Variants in XRCC4 observed in about 807,000 individuals in gnomAD.
XRCC4 encodes DNA repair protein XRCC4.
In XRCC4, 28 loss-of-function variants were observed where a neutral mutation model predicts 39.1. That is an observed-to-expected ratio of 0.72 (90% CI 0.53 to 0.98). The LOEUF (loss-of-function observed/expected upper bound fraction) is 0.98, where lower values mean the gene tolerates loss of function less well. XRCC4 is among the 50% of genes least tolerant of loss of function. XRCC4 has a pLI of 0.00. For missense variants in XRCC4, 350 were observed against 376.4 expected, an observed-to-expected ratio of 0.93 and a Z score of 0.58; for synonymous variants, 123 against 126.4, an observed-to-expected ratio of 0.97 and a Z score of 0.18.
intron 7 of XRCC4, among the ~76,000 whole-genome samples, chr5:83,262,785 CTTAGAGTGAGTTTTTTATTTAA>C (rs1753803715): frequency 1.3e-5 from 2 of 150,222 alleles, no homozygotes; most frequent in South Asian, 4.2e-4. Context: ...ACACACACAC[CTTAGAGTGAGTTTTTTATTTAA>C]TTAGCTAGGA....
At chr5:83,345,727 TA>T (rs1756900088) in intron 7 of XRCC4, among the ~76,000 whole-genome samples, 1 of 152,208 alleles carries the variant, frequency 6.6e-6, no homozygotes, top group Admixed American at 6.5e-5. Flanking sequence ...GATACCATTT[TA>T]AACTTGGCTG....
At chr5:83,194,343 A>G (rs967623413) in intron 3 of XRCC4, among the ~76,000 whole-genome samples, 1 of 152,196 alleles carries the variant, frequency 6.6e-6, no homozygotes, top group African/African-American at 2.4e-5. Context: ...TATTCTTTAT[A>G]TAGGTAAAAC....
intron 6 of XRCC4, among the ~76,000 whole-genome samples, chr5:83,215,607 TATATC>T (rs1221823226): frequency 1.3e-5 from 2 of 152,174 alleles, no homozygotes; most frequent in Non-Finnish European, 2.9e-5. Flanking sequence ...AGATAGTCAT[TATATC>T]AGACATAGTC....
chr5:83,346,232 T>C (rs2112217757), intron 7 of XRCC4, among the ~76,000 whole-genome samples: 1 of 152,320 alleles, frequency 6.6e-6, no homozygotes, highest in Middle Eastern at 3.4e-3. Context: ...AAGTAGTCTA[T>C]GCTGAACTAT....
chr5:83,159,382 A>G (rs1286296254), intron 3 of XRCC4, among the ~76,000 whole-genome samples: 1 of 152,184 alleles, frequency 6.6e-6, no homozygotes, highest in African/African-American at 2.4e-5. Flanking sequence ...CCAGAGTGCT[A>G]GTGCATGCGA....
At chr5:83,299,673 ATC>A (rs1187476666) in intron 7 of XRCC4, among the ~76,000 whole-genome samples, 1 of 152,120 alleles carries the variant, frequency 6.6e-6, no homozygotes. Context: ...TGAGCAACTA[ATC>A]TCTATTAAAC....
intron 7 of XRCC4, among the ~76,000 whole-genome samples, chr5:83,268,538 T>C (rs1754032865): frequency 6.6e-6 from 1 of 152,164 alleles, no homozygotes; most frequent in Admixed American, 6.6e-5. Context: ...CAAATTGTGC[T>C]CTAAGAAGGG....
intron 3 of XRCC4, among the ~76,000 whole-genome samples, chr5:83,185,251 G>A (rs6872192): frequency 1.9e-3 from 293 of 151,780 alleles, no homozygotes; most frequent in African/African-American, 6.6e-3. Context: ...GAAAAAACAT[G>A]ATGGTCCTAA....
At chr5:83,079,256 A>G (rs1744823878) in intron 1 of XRCC4, among the ~76,000 whole-genome samples, 1 of 152,262 alleles carries the variant, frequency 6.6e-6, no homozygotes, top group Non-Finnish European at 1.5e-5. Context: ...AGAGAAACAC[A>G]TATGCCAATA....
intron 6 of XRCC4, among the ~76,000 whole-genome samples, chr5:83,243,048 G>T (rs1239561157): frequency 6.6e-6 from 1 of 151,664 alleles, no homozygotes; most frequent in East Asian, 1.9e-4. Flanking sequence ...TCTCTCTCTC[G>T]ACATATCATT....
intron 7 of XRCC4, among the ~76,000 whole-genome samples, chr5:83,336,542 C>CA (rs1440954321): frequency 6.6e-6 from 1 of 152,120 alleles, no homozygotes; most frequent in Non-Finnish European, 1.5e-5. Context: ...TTTCAGCTTT[C>CA]ACTTACTTAA....
chr5:83,369,612 G>A, the XRCC4 span, among the ~76,000 whole-genome samples: 8 of 152,178 alleles, frequency 5.3e-5, no homozygotes, highest in African/African-American at 1.9e-4. Flanking sequence ...AGTATTCCAC[G>A]GTGTATATGT....
intron 3 of XRCC4, among the ~76,000 whole-genome samples, chr5:83,174,340 A>T (rs1019208842): frequency 2.6e-5 from 4 of 152,156 alleles, no homozygotes; most frequent in Middle Eastern, 3.4e-3. Flanking sequence ...ATCTTTAAAA[A>T]TTTTTTTTGA....
chr5:83,178,228 G>A (rs1420965504), intron 3 of XRCC4, among the ~76,000 whole-genome samples: 1 of 152,042 alleles, frequency 6.6e-6, no homozygotes, highest in Non-Finnish European at 1.5e-5. Context: ...TAAATTTGAG[G>A]ACCTTTTGCG....
chr5:83,173,391 A>G (rs912708636), intron 3 of XRCC4, among the ~76,000 whole-genome samples: 10 of 152,146 alleles, frequency 6.6e-5, no homozygotes, highest in African/African-American at 2.4e-4. Flanking sequence ...CATTTCTCAT[A>G]CTATATAAGT....
At chr5:83,157,236 A>G (rs1446702148) in intron 3 of XRCC4, among the ~76,000 whole-genome samples, 2 of 152,088 alleles carry the variant, frequency 1.3e-5, no homozygotes, top group Non-Finnish European at 2.9e-5. Flanking sequence ...ACAGTCAGGG[A>G]GGTCATTCAG....
intron 4 of XRCC4, among the ~76,000 whole-genome samples, chr5:83,202,573 G>A (rs1580364712): frequency 6.6e-6 from 1 of 152,124 alleles, no homozygotes; most frequent in South Asian, 2.1e-4. Flanking sequence ...ATATATATGT[G>A]TGTGTCTATA....
chr5:83,310,457 T>C (rs1200489764), intron 7 of XRCC4, among the ~76,000 whole-genome samples: 4 of 152,196 alleles, frequency 2.6e-5, no homozygotes, highest in Non-Finnish European at 5.9e-5. Context: ...GGCAGTACTA[T>C]AAGTTTCATT....
chr5:83,335,375 A>T (rs1756563607), intron 7 of XRCC4, among the ~76,000 whole-genome samples: 1 of 151,848 alleles, frequency 6.6e-6, no homozygotes, highest in Non-Finnish European at 1.5e-5. Context: ...TTTACAAGTT[A>T]TGGGAAATTG....
Sources: gnomAD v4.1 joint callset for allele counts (sites outside exome capture counted in the v4.1 genomes callset) on GRCh38, gnomAD v4.1.1 for gene constraint, MANE v1.5 for transcripts, NCBI Gene and HGNC (gene_info 2026-07-23, HGNC 2026-07-21) for gene names.